The following LRRC37A2 variants were observed in gnomAD, a reference collection of about 807,000 sequenced individuals.
LRRC37A2 encodes leucine rich repeat containing 37 member A2.
A neutral mutation model predicts 68.8 loss-of-function variants in LRRC37A2; 9 were observed. The ratio of observed to expected loss-of-function variants is 0.13; its 90% CI spans 0.08 to 0.23. LRRC37A2 has a LOEUF of 0.23. Among genes scored for constraint, LRRC37A2 ranks in the 10% least tolerant of loss-of-function variants. The pLI is 1.00. For synonymous variants in LRRC37A2, 63 were observed against 367.6 expected (o/e 0.17, Z 9.48); for missense variants, 168 against 950.4 (o/e 0.18, Z 10.82).
chr17:46,862,550 C>T, the LRRC37A2 span, among the ~76,000 whole-genome samples: 7 of 152,098 alleles, frequency 4.6e-5, 1 homozygote, highest in South Asian at 1.2e-3. Flanking sequence ...CAAGTCACTG[C>T]GAGAGGTTGT....
intron 6 of LRRC37A2, chr17:46,528,632 A>G: frequency 1.9e-6 from 1 of 514,884 alleles, no homozygotes; most frequent in Non-Finnish European, 3.3e-6. Flanking sequence ...AGGCAGGAGA[A>G]TCACTTGACT....
the LRRC37A2 span, among the ~76,000 whole-genome samples, chr17:46,985,177 A>G: frequency 6.6e-6 from 1 of 152,194 alleles, no homozygotes; most frequent in East Asian, 1.9e-4. Flanking sequence ...GACCCCTAAG[A>G]GACTTCGAGG....
the LRRC37A2 span, among the ~76,000 whole-genome samples, chr17:46,730,913 A>G: frequency 6.6e-5 from 10 of 152,180 alleles, no homozygotes; most frequent in African/African-American, 2.4e-4. Context: ...TCAGGTAATG[A>G]CAAGCGCTGG....
At chr17:46,724,241 T>G in the LRRC37A2 span, among the ~76,000 whole-genome samples, 1 of 152,186 alleles carries the variant, frequency 6.6e-6, no homozygotes, top group Non-Finnish European at 1.5e-5. Context: ...TAAGTCCATT[T>G]AAGAGTCAAG....
chr17:46,823,762 G>C, the LRRC37A2 span, among the ~76,000 whole-genome samples: 1 of 149,478 alleles, frequency 6.7e-6, no homozygotes, highest in Non-Finnish European at 1.5e-5. Context: ...TTTGGAAAGC[G>C]ATTTGCGGTG....
the LRRC37A2 span, among the ~76,000 whole-genome samples, chr17:46,780,958 G>A: frequency 5.3e-5 from 8 of 152,202 alleles, no homozygotes; most frequent in Non-Finnish European, 7.4e-5. Context: ...GGAAGGAAGC[G>A]GGTGTGGTGG....
At chr17:46,743,274 C>T in the LRRC37A2 span, among the ~76,000 whole-genome samples, 2 of 152,188 alleles carry the variant, frequency 1.3e-5, no homozygotes, top group South Asian at 2.1e-4. Context: ...TCCCGTCCCT[C>T]ACCCACCTGA....
At chr17:47,044,305 T>C in the LRRC37A2 span, among the ~76,000 whole-genome samples, 1 of 151,594 alleles carries the variant, frequency 6.6e-6, no homozygotes, top group African/African-American at 2.4e-5. Context: ...TAAAGAATCA[T>C]GTACTAAGTG....
At chr17:46,500,700 TC>T in the LRRC37A2 span, among the ~76,000 whole-genome samples, 4 of 151,206 alleles carry the variant, frequency 2.6e-5, no homozygotes, top group African/African-American at 9.9e-5. Context: ...TTTGTTTTTT[TC>T]TTTTTTTTCC....
chr17:47,029,089 A>C, the LRRC37A2 span, among the ~76,000 whole-genome samples: 3 of 152,204 alleles, frequency 2.0e-5, no homozygotes, highest in African/African-American at 7.2e-5. Flanking sequence ...GAGGCACGAG[A>C]ATGGCTTGAA....
rs952767371 is a variant in LRRC37A2, at chr17:46,528,699, T to C, written c.2906+4815T>C. 1.3e-3 allele frequency: 830 copies of C among 624,786 alleles called. 2 individuals are homozygous for C. Among genetic ancestry groups the C allele is most frequent in the Non-Finnish European group, 7.3e-4 (262 of 357,198 alleles). 38.7% of individuals were successfully genotyped at this position (624,786 alleles called of 1,614,324 possible). ...CACACCACTGCACTGCACTCCAGCCTGGGCAACAGAGTGAGACTTCATCTC... is the reference window on the plus strand; with the variant it reads ...CACACCACTGCACTGCACTCCAGCCCGGGCAACAGAGTGAGACTTCATCTC... On this transcript the variant is annotated intron_variant, in intron 6 of 14. Coordinates refer to ENST00000576629, the Ensembl canonical transcript of LRRC37A2.
the LRRC37A2 span, among the ~76,000 whole-genome samples, chr17:46,695,486 A>G: frequency 1.0e-5 from 1 of 97,596 alleles, no homozygotes; most frequent in Non-Finnish European, 1.9e-5. Flanking sequence ...GTACTAGGAT[A>G]CTTTTATTTT....
chr17:46,443,805 TTTATTA>T, the LRRC37A2 span, among the ~76,000 whole-genome samples: 3 of 22,110 alleles, frequency 1.4e-4, no homozygotes, highest in East Asian at 6.0e-4. Flanking sequence ...TACATTTCTT[TTTATTA>T]TTATTATTAT....
At chr17:46,932,118 A>G in the LRRC37A2 span, 2 of 1,614,064 alleles carry the variant, frequency 1.2e-6, no homozygotes, top group Non-Finnish European at 1.7e-6. Context: ...CTGCGCTCAG[A>G]AACTTCCAGC....
At chr17:46,931,808 C>T in the LRRC37A2 span, 1 of 547,148 alleles carries the variant, frequency 1.8e-6, no homozygotes, top group Non-Finnish European at 3.3e-6. Flanking sequence ...TGTTCTCTGT[C>T]ATGCATCCAG....
the LRRC37A2 span, chr17:47,024,723 T>G: frequency 3.4e-6 from 3 of 877,542 alleles, no homozygotes; most frequent in East Asian, 7.2e-5. Context: ...CAAGGATTCA[T>G]TTGAAGGCCT....
At chr17:46,876,406 G>C in the LRRC37A2 span, 1 of 1,613,874 alleles carries the variant, frequency 6.2e-7, no homozygotes, top group Middle Eastern at 1.6e-4. Flanking sequence ...CCACCAATGA[G>C]GCCTTGGGCC....
chr17:46,809,127 G>A, the LRRC37A2 span, among the ~76,000 whole-genome samples: 1 of 152,310 alleles, frequency 6.6e-6, no homozygotes, highest in Admixed American at 6.5e-5. Flanking sequence ...GATCGAGGGG[G>A]TTTGTGAAAG....
chr17:46,768,214 TAGAAAC>T, the LRRC37A2 span: 1 of 1,551,680 alleles, frequency 6.4e-7, no homozygotes, highest in Non-Finnish European at 8.7e-7. This position sits in a 1 kb window ranked among gnomAD's most constrained non-coding sequence, Gnocchi z 5.0. Flanking sequence ...TTGGATAGCT[TAGAAAC>T]AGAAGGGGGT....
Sources: gnomAD v4.1 joint callset for allele counts (sites outside exome capture counted in the v4.1 genomes callset) on GRCh38, gnomAD v4.1.1 for gene constraint, Gnocchi (gnomAD v3.1) non-coding constraint, MANE v1.5 for transcripts, NCBI Gene and HGNC (gene_info 2026-07-23, HGNC 2026-07-21) for gene names.